SLC22A6: variants seen among roughly 807,000 people sequenced by gnomAD.
SLC22A6 encodes the protein PAH transporter.
A neutral mutation model predicts 56.7 loss-of-function variants in SLC22A6; 45 were observed. The observed-to-expected ratio is 0.79, with a 90% CI of 0.63 to 1.02. SLC22A6 has a LOEUF of 1.02. SLC22A6 is among the 50% of genes least tolerant of loss of function. SLC22A6 has a pLI of 0.00. For synonymous variants in SLC22A6, 291 were observed against 295.9 expected (o/e 0.98, Z 0.17); for missense variants, 606 against 713.8 (o/e 0.85, Z 1.72).
chr11:62,981,190 T>C (rs1157961317), intron 5 of SLC22A6, 70 bp downstream of exon 5: 2 of 1,604,068 alleles, frequency 1.2e-6, no homozygotes, highest in Non-Finnish European at 1.7e-6. Flanking sequence ...CCCTGGGCCC[T>C]GGGTCCTGGG....
rs2086235149 is a variant in SLC22A6, at chr11:62,979,952, G to A, written c.1038-4C>T. 6.2e-7 allele frequency: 1 copy of A among 1,609,896 alleles called. No homozygotes were observed. The highest frequency in any genetic ancestry group is 1.1e-5 in the South Asian group (1 of 90,992). Reference sequence around the variant, plus strand: ...GTATGCAAAGCTAGTGGCAAACCTAGCAGAGAGAAGAGAGGAGTATGGAGT... The same window carrying A: ...GTATGCAAAGCTAGTGGCAAACCTAACAGAGAGAAGAGAGGAGTATGGAGT... On this transcript the variant is annotated splice_region_variant and splice_polypyrimidine_tract_variant and intron_variant, in intron 6 of 9. Transcript: ENST00000360421.
intron 8 of SLC22A6, 119 bp from the exon 9 acceptor site, chr11:62,977,506 C>T (rs1011454206): frequency 7.7e-6 from 9 of 1,167,162 alleles, no homozygotes; most frequent in South Asian, 6.4e-5. Flanking sequence ...GGTACCTCCT[C>T]TCTTCCCCAT....
At chr11:62,978,228 G>A (rs1313814743) in intron 8 of SLC22A6, among the ~76,000 whole-genome samples, 1 of 152,120 alleles carries the variant, frequency 6.6e-6, no homozygotes, top group Non-Finnish European at 1.5e-5. Flanking sequence ...CCACTTTGCA[G>A]ACCTTACAGG....
In SLC22A6 at chr11:62,977,222, G is replaced by A; in HGVS notation, c.1527C>T (p.Gly509=). 6.2e-7 allele frequency: 1 copy of A among 1,614,166 alleles called. No homozygotes were observed. Among genetic ancestry groups the A allele is most frequent in the Non-Finnish European group, 8.5e-7 (1 of 1,180,048 alleles). ...AVTVLLPETL[G]QPLPDTVQDL... is the part of the protein sequence containing the mutation. ...CCTGCACCGTGTCTGGCAGTGGCTG[G>A]CCCAGGGTCTCTGGCAGGAGGACAG... Residue 509 remains glycine, a synonymous_variant, in exon 9 of 10, where the codon GGC becomes GGT. Transcript: ENST00000360421.
At chr11:62,979,191 G>A (rs1376474013) in intron 8 of SLC22A6, among the ~76,000 whole-genome samples, 2 of 152,190 alleles carry the variant, frequency 1.3e-5, no homozygotes, top group Admixed American at 6.5e-5. Context: ...GGAGATTAAA[G>A]GAAGACTTCA....
chr11:62,979,896 C>G lies in SLC22A6; in HGVS notation c.1090G>C (p.Gly364Arg). Residue 364 changes from glycine to arginine, a missense_variant, in exon 7 of 10, where the codon GGA (glycine) becomes CGA (arginine). Physicochemically the swap from Gly to Arg is moderately radical, Grantham distance 125. Coordinates refer to ENST00000360421, the MANE Select transcript of SLC22A6 (RefSeq NM_153276.3). ...ACCTGGATTAGGTAGATGCTGACTC[C>G]AAAGCCCTGCAGGTCCATGACCAGC... ...YGLVMDLQGF[G>R]VSIYLIQVIF... 1 of 1,614,178 alleles carries G rather than the reference C, an allele frequency of 6.2e-7. No individual in the cohort carries two copies.
chr11:62,981,208 T>C lies in SLC22A6; in HGVS notation c.921+52A>G. ...TGGGCCCTGGGTCCTGGGTTTGGGG[T>C]TTGGGGGTGAAGCCCTGGGAGGTTA... On this transcript the variant is annotated intron_variant, in intron 5 of 9. Transcript: ENST00000360421. 2.5e-6 allele frequency: 4 copies of C among 1,606,826 alleles called. No individual in the cohort carries two copies. In the African/African-American group the frequency reaches 4.0e-5, roughly 16 times the overall value.
At position 62,981,912 on chromosome 11, in the gene SLC22A6, C is replaced by T. The variant is rs200609617; in HGVS notation, c.727G>A (p.Ala243Thr). 3.8e-5 allele frequency: 62 copies of T among 1,614,082 alleles called. No homozygotes were observed. Among genetic ancestry groups the T allele is most frequent in the Middle Eastern group, 1.7e-4 (1 of 6,056 alleles). ...GQFLLAGVAY[A>T]VPHWRHLQLL... is the part of the protein sequence containing the mutation. ...TGCAGGTGGCGCCAGTGGGGCACAG[C>T]GTAGGCCACACCAGCCAGGAGGAAC... is the stretch of plus-strand genomic sequence containing the variant. Residue 243 changes from alanine (A) to threonine (T), a missense_variant, in exon 4 of 10, where the codon GCT (alanine) becomes ACT (threonine). Coordinates refer to ENST00000360421, the MANE Select transcript of SLC22A6 (RefSeq NM_153276.3).
In SLC22A6 at chr11:62,980,988, A is replaced by G. The variant is rs1286573992; in HGVS notation, c.1034T>C (p.Leu345Pro). The G allele has an allele frequency of 6.2e-7, 1 of 1,602,522 alleles. No homozygotes were observed. Among genetic ancestry groups the G allele is most frequent in the East Asian group, 2.2e-5 (1 of 44,702 alleles). ...CTGTCTGTCTTTCTGGGCCTACCAC[A>G]GCATGGAGAGGCAGAGGAAGAGGTG... ...LRHLFLCLSM[L>P]WFATSFAYYG... Residue 345 changes from leucine to proline, a missense_variant, in exon 6 of 10, where the codon CTG becomes CCG. Leu to Pro is a moderately conservative substitution (Grantham distance 98). Coordinates refer to ENST00000360421, the MANE Select transcript of SLC22A6 (RefSeq NM_153276.3).
Position 62,983,494 on chromosome 11 carries a change from G to A in SLC22A6, c.628+43C>T, listed in dbSNP as rs1179402791. On this transcript the variant is annotated intron_variant, in intron 3 of 9. Coordinates refer to ENST00000360421, the MANE Select transcript of SLC22A6 (RefSeq NM_153276.3). This position sits in a 1 kb window ranked among gnomAD's most constrained non-coding sequence, Gnocchi z 4.5. ...AGGGGAGGCTGGAAAGGGGTTGCTG[G>A]GCTGGGTGGCCGGAGGGGAGTGGGC... 7.1e-6 allele frequency: 11 copies of A among 1,548,576 alleles called. No individual in the cohort carries two copies. Among genetic ancestry groups the A allele is most frequent in the African/African-American group, 1.4e-5 (1 of 73,180 alleles).
intron 8 of SLC22A6, 27 bp from the exon 9 acceptor site, chr11:62,977,414 T>G: frequency 1.9e-6 from 3 of 1,591,970 alleles, no homozygotes; most frequent in Admixed American, 3.4e-5. Context: ...AGATGGGTGT[T>G]GGTTAGAGTT....
Position 62,979,505 on chromosome 11 carries a change from C to G in SLC22A6, c.1344G>C (p.Leu448=). Residue 448 remains leucine (L), a synonymous_variant, in exon 8 of 10, where the codon CTG becomes CTC. Coordinates refer to ENST00000360421, the MANE Select transcript of SLC22A6 (RefSeq NM_153276.3). The part of the protein sequence containing the change: ...FNCIFLYTGE[L]YPTMIRQTGM... ...CCACTCACCGGATCATTGTGGGATACAGTTCCCCAGTATACAGGAAGATGC... is the reference window on the plus strand; with the variant it reads ...CCACTCACCGGATCATTGTGGGATAGAGTTCCCCAGTATACAGGAAGATGC... 2 of 1,609,334 alleles carry G rather than the reference C, an allele frequency of 1.2e-6. No individual in the cohort carries two copies. The highest frequency in any genetic ancestry group is 1.7e-6 in the Non-Finnish European group (2 of 1,175,618).
In SLC22A6 at chr11:62,977,213, C is replaced by T; in HGVS notation, c.1536G>A (p.Leu512=). The T allele has an allele frequency of 6.2e-7, 1 of 1,614,216 alleles. No homozygotes were observed. The highest frequency in any genetic ancestry group is 1.1e-5 in the South Asian group (1 of 91,086). The stretch of plus-strand genomic sequence containing the variant: ...TCTCCAGGTCCTGCACCGTGTCTGG[C>T]AGTGGCTGGCCCAGGGTCTCTGGCA... ...VLLPETLGQP[L]PDTVQDLESR... Residue 512 remains leucine (L), a synonymous_variant, in exon 9 of 10, where the codon CTG becomes CTA. Transcript: ENST00000360421.
At chr11:62,978,530 T>C (rs543508482) in intron 8 of SLC22A6, among the ~76,000 whole-genome samples, 1 of 150,650 alleles carries the variant, frequency 6.6e-6, no homozygotes, top group Non-Finnish European at 1.5e-5. Context: ...GTATTTTTAG[T>C]ACAGACGGAG....
chr11:62,980,115 A>G (rs1590675149), intron 6 of SLC22A6, among the ~76,000 whole-genome samples, 167 bp from the exon 7 acceptor site: 1 of 152,346 alleles, frequency 6.6e-6, no homozygotes, highest in East Asian at 1.9e-4. Context: ...GAGTTTAAGT[A>G]TTGAGGTAGT....
At chr11:62,981,473 G>A (rs2086254926) in intron 4 of SLC22A6, 90 bp from the exon 5 acceptor site, 4 of 776,126 alleles carry the variant, frequency 5.2e-6, no homozygotes, top group East Asian at 2.7e-5. Flanking sequence ...AGGGGTCTGC[G>A]ATGGGATTTT....
At chr11:62,981,561 C>A (rs1565286494) in intron 4 of SLC22A6, among the ~76,000 whole-genome samples, 178 bp from the exon 5 acceptor site, 2 of 152,184 alleles carry the variant, frequency 1.3e-5, no homozygotes, top group Non-Finnish European at 2.9e-5. Context: ...TTGGTAATGA[C>A]ATATTCCCCA....
At chr11:62,977,489 C>G in intron 8 of SLC22A6, 102 bp from the exon 9 acceptor site, 4 of 1,333,288 alleles carry the variant, frequency 3.0e-6, no homozygotes, top group Non-Finnish European at 4.1e-6. Flanking sequence ...GCCCCCAGGA[C>G]ACTCCCGGTA....
In SLC22A6 at chr11:62,979,578, G is replaced by A. The variant is rs765677381; in HGVS notation, c.1271C>T (p.Thr424Ile). The A allele has an allele frequency of 6.8e-6, 11 of 1,614,060 alleles. No homozygotes were observed. Among genetic ancestry groups the A allele is most frequent in the Non-Finnish European group, 8.5e-6 (10 of 1,179,900 alleles). Residue 424 changes from threonine (T) to isoleucine (I), a missense_variant, in exon 8 of 10, where the codon ACC becomes ATC. Transcript: ENST00000360421. ...ACCCTTCCCCAGCACAGCAAGAGAG[G>A]TTCGGACAATGGACTGGTCTAGAGA... is the stretch of plus-strand genomic sequence containing the variant. Reference protein sequence around the residue: ...VIPQDQSIVRTSLAVLGKGCL... With the variant: ...VIPQDQSIVRISLAVLGKGCL...
Sources: allele counts gnomAD v4.1 joint callset (sites outside exome capture counted in the v4.1 genomes callset), GRCh38; gene constraint gnomAD v4.1.1; non-coding constraint Gnocchi (gnomAD v3.1); transcripts MANE v1.5; gene names NCBI Gene and HGNC (gene_info 2026-07-23, HGNC 2026-07-21).